NCOA6: variants seen among roughly 807,000 people sequenced by gnomAD.
NCOA6 encodes nuclear receptor coactivator 6.
In NCOA6, 49 loss-of-function variants were observed where a neutral mutation model predicts 171.4. The ratio of observed to expected loss-of-function variants is 0.29; its 90% CI spans 0.23 to 0.36. The LOEUF (loss-of-function observed/expected upper bound fraction) is 0.36, where lower values mean the gene tolerates loss of function less well. NCOA6 is among the 10% of genes least tolerant of loss of function. The pLI is 1.00. For missense variants in NCOA6, 2,248 were observed against 2,554.5 expected, an observed-to-expected ratio of 0.88 and a Z score of 2.59; for synonymous variants, 910 against 927.5, an observed-to-expected ratio of 0.98 and a Z score of 0.34.
intron 3 of NCOA6, among the ~76,000 whole-genome samples, chr20:34,780,586 G>C (rs149746477): frequency 0.031 from 4,686 of 152,140 alleles, 242 homozygotes; most frequent in African/African-American, 0.11. Context: ...CTGGCCTCAA[G>C]TGATCCGCCC....
At position 34,818,795 on chromosome 20, in the gene NCOA6, C is replaced by T. The variant is rs537760694; in HGVS notation, c.-164+6677G>A. ...TATCTTGCAGAGTTCTAGCCAGTTT[C>T]CAGAATACATGGTAGGGCTCAACAA... On this transcript the variant is annotated intron_variant, in intron 1 of 14. Transcript: ENST00000359003. Among the ~76,000 whole-genome samples the T allele has an allele frequency of 6.6e-5, 10 of 152,312 alleles. No individual in the cohort carries two copies. The East Asian group carries it at 1.9e-3, about 29-fold the overall frequency.
chr20:34,779,328 T>C (rs929086718), intron 3 of NCOA6, among the ~76,000 whole-genome samples: 15 of 151,726 alleles, frequency 9.9e-5, no homozygotes, highest in East Asian at 1.9e-4. Context: ...CTGGGCAACA[T>C]AGTGAGACCT....
chr20:34,731,795 T>G (rs1600762895), intron 13 of NCOA6, among the ~76,000 whole-genome samples: 1 of 152,074 alleles, frequency 6.6e-6, no homozygotes, highest in Non-Finnish European at 1.5e-5. Context: ...CTGAGACGGG[T>G]GGATCACTTG....
intron 3 of NCOA6, among the ~76,000 whole-genome samples, chr20:34,777,586 G>C (rs1273744548): frequency 2.0e-5 from 3 of 151,758 alleles, no homozygotes; most frequent in Admixed American, 6.6e-5. Context: ...CTGCACTCCA[G>C]CCTGGGTGAC....
chr20:34,797,313 C>T (rs2078109829), intron 1 of NCOA6, among the ~76,000 whole-genome samples: 1 of 152,142 alleles, frequency 6.6e-6, no homozygotes, highest in South Asian at 2.1e-4. Context: ...GGGCAGAGTC[C>T]TGAAGTCCCC....
chr20:34,715,439 A>T (rs1165758121), intron 14 of NCOA6, 74 bp from the exon 15 acceptor site: 1 of 1,120,710 alleles, frequency 8.9e-7, no homozygotes, highest in Non-Finnish European at 1.4e-6. Flanking sequence ...GTCCACAACA[A>T]GCAGGGCAGA....
rs755570742 is a variant in NCOA6 at position 34,750,265 on chromosome 20, G to C, written c.1930C>G (p.Pro644Ala). 5 of 1,611,560 alleles carry C rather than the reference G, an allele frequency of 3.1e-6. No individual in the cohort carries two copies. Among genetic ancestry groups the C allele is most frequent in the Non-Finnish European group, 4.2e-6 (5 of 1,178,446 alleles). ...CTTGAAAGGATCATAGGGTTCTGAG[G>C]GTTCAAGGTTCCTTGTTGCTGGACC... ...QMVQQQGTLN[P>A]QNPMILSRAQ... is the part of the protein sequence containing the mutation. Residue 644 changes from proline (P) to alanine (A), a missense_variant, in exon 9 of 15, where the codon CCT (proline) becomes GCT (alanine). Physicochemically the swap from Pro to Ala is conservative, Grantham distance 27. Around this residue, in one of 7 missense-constraint regions of NCOA6, gnomAD observed 987 missense variants for 1,104.7 expected, o/e 0.89. Coordinates refer to ENST00000359003, the MANE Select transcript of NCOA6 (RefSeq NM_014071.5).
At chr20:34,818,001 T>G (rs1456500664) in intron 1 of NCOA6, among the ~76,000 whole-genome samples, 1 of 152,178 alleles carries the variant, frequency 6.6e-6, no homozygotes, top group Admixed American at 6.5e-5. Context: ...ATGCAGAGAT[T>G]AGGAAGGCAG....
Position 34,817,055 on chromosome 20 carries a change from G to A in NCOA6, c.-164+8417C>T, listed in dbSNP as rs369778956. 4.2e-4 allele frequency among the ~76,000 whole-genome samples: 61 copies of A among 144,604 alleles called. No homozygotes were observed. The South Asian group carries it at 5.4e-3, about 13-fold the overall frequency. 94.9% of individuals were successfully genotyped at this position (144,604 alleles called of 152,430 possible). On this transcript the variant is annotated intron_variant, in intron 1 of 14. Coordinates refer to ENST00000359003, the MANE Select transcript of NCOA6 (RefSeq NM_014071.5). ...GGAGAATCACTTGAACCCAGGAGGC[G>A]GAGGTTGCAATGAGCCAAGATCTCA...
intron 11 of NCOA6, among the ~76,000 whole-genome samples, chr20:34,739,576 A>T (rs1159684798): frequency 6.6e-6 from 1 of 152,224 alleles, no homozygotes; most frequent in Non-Finnish European, 1.5e-5. Context: ...TTGTTCTGAA[A>T]TAGTCATGAG....
chr20:34,731,109 T>C (rs1990561792), intron 13 of NCOA6, among the ~76,000 whole-genome samples: 2 of 152,120 alleles, frequency 1.3e-5, no homozygotes, highest in Admixed American at 1.3e-4. Context: ...AACCTCCGCC[T>C]CCCAGGTTTA....
intron 11 of NCOA6, among the ~76,000 whole-genome samples, chr20:34,738,687 T>G (rs964478981): frequency 6.6e-6 from 1 of 152,232 alleles, no homozygotes; most frequent in Non-Finnish European, 1.5e-5. Context: ...TGAGGCAGTG[T>G]GTTGGCCACT....
chr20:34,761,108 G>C (rs1264300856), intron 5 of NCOA6, among the ~76,000 whole-genome samples: 1 of 152,138 alleles, frequency 6.6e-6, no homozygotes, highest in East Asian at 1.9e-4. Flanking sequence ...TGTAATCCCA[G>C]CTACTCAGGA....
At chr20:34,749,267 ATGAGTTG>A in intron 9 of NCOA6, 129 bp downstream of exon 9, 1 of 1,098,154 alleles carries the variant, frequency 9.1e-7, no homozygotes, top group South Asian at 1.6e-5. Context: ...AAGACAGACT[ATGAGTTG>A]ATAATTATTG....
intron 10 of NCOA6, 61 bp downstream of exon 10, chr20:34,746,746 G>A: frequency 6.7e-7 from 1 of 1,483,194 alleles, no homozygotes; most frequent in Admixed American, 2.0e-5. Flanking sequence ...TGAAGACATG[G>A]AAGCCTTGTA....
rs140317332 is a variant in NCOA6, at chr20:34,717,953, G to T, written c.6149-2588C>A. Among the ~76,000 whole-genome samples, 5 of 152,280 alleles carry T rather than the reference G, an allele frequency of 3.3e-5. No individual in the cohort carries two copies. In the East Asian group the frequency reaches 9.7e-4, roughly 29 times the overall value. On this transcript the variant is annotated intron_variant, in intron 14 of 14. Transcript: ENST00000359003. ...GCTGGGAAAAGAAGTGGGTAGTGGG[G>T]TGTGGGGGAGAAGCAACCTCAGGCT...
intron 1 of NCOA6, among the ~76,000 whole-genome samples, chr20:34,824,741 C>T (rs1343110025): frequency 6.6e-6 from 1 of 152,200 alleles, no homozygotes; most frequent in African/African-American, 2.4e-5. Flanking sequence ...CCTGTTGCTT[C>T]CCCCAAGAGG....
At chr20:34,804,687 CTT>C (rs1370227621) in intron 1 of NCOA6, among the ~76,000 whole-genome samples, 2 of 151,776 alleles carry the variant, frequency 1.3e-5, no homozygotes, top group Non-Finnish European at 2.9e-5. Flanking sequence ...GTTACTTCCG[CTT>C]TCTTTTTCAA....
Position 34,750,340 on chromosome 20 carries a change from A to C in NCOA6, c.1855T>G (p.Ser619Ala), listed in dbSNP as rs775577239. Residue 619 changes from serine (S) to alanine (A), a missense_variant, in exon 9 of 15, where the codon TCT becomes GCT. Around this residue, in one of 7 missense-constraint regions of NCOA6, gnomAD observed 987 missense variants for 1,104.7 expected, o/e 0.89. Transcript: ENST00000359003. ...MQGQPQQGPP[S>A]QLMGMHQQIV... is the part of the protein sequence containing the mutation. ...TGCTGGTGCATGCCCATCAGCTGAG[A>C]TGGTGGGCCCTGCTGGGGCTGGCCT... 5.6e-6 allele frequency: 9 copies of C among 1,613,008 alleles called. No individual in the cohort carries two copies. Among genetic ancestry groups the C allele is most frequent in the Middle Eastern group, 1.6e-4 (1 of 6,078 alleles).
Sources: allele counts gnomAD v4.1 joint callset (sites outside exome capture counted in the v4.1 genomes callset), GRCh38; gene constraint gnomAD v4.1.1; regional missense constraint gnomAD v4.1.1; transcripts MANE v1.5; gene names NCBI Gene and HGNC (gene_info 2026-07-23, HGNC 2026-07-21).